POLR3A: variants seen among roughly 807,000 people sequenced by gnomAD.
The protein encoded by POLR3A is RNA polymerase III subunit A, also known as DNA-directed RNA polymerase III subunit RPC1.
In POLR3A, 112 loss-of-function variants were observed where a neutral mutation model predicts 152.8. That is an observed-to-expected ratio of 0.73 (90% CI 0.63 to 0.86). The LOEUF (loss-of-function observed/expected upper bound fraction) is 0.86, where lower values mean the gene tolerates loss of function less well. Among genes scored for constraint, POLR3A ranks in the 40% least tolerant of loss-of-function variants. The pLI is 0.00. For synonymous variants in POLR3A, 615 were observed against 652.1 expected, an observed-to-expected ratio of 0.94 and a Z score of 0.87; for missense variants, 1,385 against 1,743.1, an observed-to-expected ratio of 0.79 and a Z score of 3.66.
At chr10:77,999,351 T>A (rs551398077) in intron 19 of POLR3A, among the ~76,000 whole-genome samples, 1 of 152,208 alleles carries the variant, frequency 6.6e-6, no homozygotes, top group Non-Finnish European at 1.5e-5. Flanking sequence ...AGTACAGGGA[T>A]TGAAAAGACA....
Position 77,975,222 on chromosome 10 carries a change from C to T in POLR3A, c.*2256G>A, listed in dbSNP as rs898061814. The T allele has an allele frequency of 5.9e-5, 9 of 152,192 alleles. No homozygotes were observed. The highest frequency in any genetic ancestry group is 1.7e-4 in the African/African-American group (7 of 41,430). The allele number at this position is 152,192 out of a possible 1,614,324, so 9.4% of individuals were successfully genotyped here. ...ACTCAAATGTAACCCTTTGAGCTCT[C>T]ATGCTTGAGGATGTGCTGCTACCTG... On this transcript the variant is annotated 3_prime_UTR_variant, in exon 31 of 31. Coordinates refer to ENST00000372371, the MANE Select transcript of POLR3A (RefSeq NM_007055.4).
chr10:78,025,260 G>T, intron 3 of POLR3A, 118 bp from the exon 4 acceptor site: 1 of 1,053,592 alleles, frequency 9.5e-7, no homozygotes, highest in Non-Finnish European at 1.4e-6. Context: ...ACACAGATCT[G>T]CAAATGGCTC....
chr10:77,988,804 G>T (rs191927486), intron 21 of POLR3A, among the ~76,000 whole-genome samples: 1 of 152,240 alleles, frequency 6.6e-6, no homozygotes, highest in Admixed American at 6.5e-5. Context: ...TTTGAGAAAG[G>T]TCCCGAAAGC....
intron 18 of POLR3A, among the ~76,000 whole-genome samples, chr10:78,000,711 T>C (rs1847348629): frequency 6.6e-6 from 1 of 152,212 alleles, no homozygotes; most frequent in Non-Finnish European, 1.5e-5. Flanking sequence ...TTTATTTATT[T>C]GTAGAGATGG....
intron 16 of POLR3A, 94 bp downstream of exon 16, chr10:78,004,622 T>C (rs971798795): frequency 3.0e-6 from 3 of 1,010,518 alleles, no homozygotes; most frequent in African/African-American, 1.6e-5. Context: ...ACTCCTTTGC[T>C]ACCTCTATTC....
chr10:78,006,375 G>A (rs1480952657), intron 15 of POLR3A, among the ~76,000 whole-genome samples: 1 of 113,464 alleles, frequency 8.8e-6, no homozygotes, highest in Non-Finnish European at 1.6e-5. Flanking sequence ...CCAGCCTGGC[G>A]ACTGAGCAAG....
rs118135341 is a variant in POLR3A at position 77,982,350 on chromosome 10, C to T, written c.3595-32G>A. The T allele has an allele frequency of 5.9e-4, 944 of 1,610,106 alleles. 3 individuals are homozygous for T. In the East Asian group the frequency reaches 0.014, roughly 24 times the overall value. ...TCAGAGACAGAGAAAGCTGTGAGGA[C>T]GGGGTGAGCCATGCCCTGGGCTGAT... is the stretch of plus-strand genomic sequence containing the variant. On this transcript the variant is annotated intron_variant, in intron 27 of 30. Coordinates refer to ENST00000372371, the MANE Select transcript of POLR3A (RefSeq NM_007055.4).
rs1028989395 is a variant in POLR3A, at chr10:77,999,913, C to A, written c.2616+68G>T. On this transcript the variant is annotated intron_variant, in intron 19 of 30. Coordinates refer to ENST00000372371, the MANE Select transcript of POLR3A (RefSeq NM_007055.4). ...TTACAGCTCATGTGCAAAACGTGTA[C>A]TCAATAGTCAAAACCCACAGAGCTC... 4.7e-6 allele frequency: 7 copies of A among 1,485,186 alleles called. No individual in the cohort carries two copies. The Admixed American group carries it at 1.2e-4, about 25-fold the overall frequency. 92.0% of individuals were successfully genotyped at this position (1,485,186 alleles called of 1,614,324 possible). A position where few individuals can be genotyped will look rare whatever the true frequency, so the allele number is the denominator to read the frequency against.
chr10:78,017,829 C>T (rs1233586591), intron 9 of POLR3A, 113 bp from the exon 10 acceptor site: 13 of 1,206,502 alleles, frequency 1.1e-5, no homozygotes, highest in Middle Eastern at 4.2e-4. Flanking sequence ...ATCTAAGATG[C>T]CTCCATTTTA....
Position 78,009,614 on chromosome 10 carries a change from T to A in POLR3A, c.1832A>T (p.Asn611Ile), listed in dbSNP as rs1564620023. ...FSVILRPSDD[N>I]PVRANLRTKG... is the part of the protein sequence containing the mutation. Reference sequence around the variant, plus strand: ...GGTTCGCAGGTTGGCCCTCACTGGATTGTCATCGCTAGGCCTGAGGATGAC... The same window carrying A: ...GGTTCGCAGGTTGGCCCTCACTGGAATGTCATCGCTAGGCCTGAGGATGAC... Residue 611 changes from asparagine to isoleucine, a missense_variant, in exon 14 of 31, where the codon AAT becomes ATT. Coordinates refer to ENST00000372371, the MANE Select transcript of POLR3A (RefSeq NM_007055.4). The A allele has an allele frequency of 1.6e-5, 26 of 1,614,188 alleles. No individual in the cohort carries two copies. The highest frequency in any genetic ancestry group is 2.2e-5 in the Non-Finnish European group (26 of 1,180,028).
chr10:77,999,809 A>AT (rs973843193), intron 19 of POLR3A, among the ~76,000 whole-genome samples, 172 bp downstream of exon 19: 1 of 151,788 alleles, frequency 6.6e-6, no homozygotes, highest in East Asian at 1.9e-4. Context: ...AACATACTAC[A>AT]TTTTTTTTGG....
chr10:77,980,097 A>G (rs764195606), intron 30 of POLR3A, 44 bp downstream of exon 30: 2 of 1,587,092 alleles, frequency 1.3e-6, no homozygotes, highest in Admixed American at 3.3e-5. Context: ...CTATTTGTAA[A>G]TAGTAAAGGC....
At chr10:78,023,458 TA>T (rs1189366971) in intron 5 of POLR3A, among the ~76,000 whole-genome samples, 62 of 143,992 alleles carry the variant, frequency 4.3e-4, no homozygotes, top group Non-Finnish European at 4.6e-4. Context: ...ACTCTGTCTC[TA>T]AAAAAAAAAA....
At chr10:78,012,772 A>G (rs560775647) in intron 11 of POLR3A, among the ~76,000 whole-genome samples, 21 of 152,118 alleles carry the variant, frequency 1.4e-4, no homozygotes, top group African/African-American at 5.1e-4. Context: ...CCCAGGCTGA[A>G]CTGCAGTGGT....
rs564160136 is a variant in POLR3A at position 78,021,842 on chromosome 10, A to T, written c.1048+18T>A. On this transcript the variant is annotated intron_variant, in intron 7 of 30. Coordinates refer to ENST00000372371, the MANE Select transcript of POLR3A (RefSeq NM_007055.4). ...AAAGAGAGTGGGCTGGCTTCTGCAC[A>T]TCTTGTGGGAAACCTACCCTGTTTT... 1 of 1,613,190 alleles carries T rather than the reference A, an allele frequency of 6.2e-7. No homozygotes were observed. The highest frequency in any genetic ancestry group is 1.3e-5 in the African/African-American group (1 of 75,026).
intron 1 of POLR3A, among the ~76,000 whole-genome samples, chr10:78,029,066 A>G (rs1847664568): frequency 6.6e-6 from 1 of 152,092 alleles, no homozygotes; most frequent in Non-Finnish European, 1.5e-5. Context: ...AAGAACAGGG[A>G]TCATTGTATG....
chr10:77,982,407 C>A, intron 27 of POLR3A, 89 bp from the exon 28 acceptor site: 1 of 1,244,056 alleles, frequency 8.0e-7, no homozygotes, highest in South Asian at 1.2e-5. Flanking sequence ...CAGCAGTGGT[C>A]ATCTGTTAAC....
At chr10:78,029,341 T>C (rs1424416251) in intron 1 of POLR3A, 23 bp downstream of exon 1, 1 of 1,613,832 alleles carries the variant, frequency 6.2e-7, no homozygotes, top group East Asian at 2.2e-5. Context: ...CTCAGCCCTT[T>C]GGCCACTCTT....
chr10:78,021,540 A>G lies in POLR3A; in HGVS notation c.1185+6T>C. Reference sequence around the variant, plus strand: ...CAAAGAATTGAGCAGCTGAGTGGTCACTTACCTTCTCAGGAAAAGTTAGAA... The same window carrying G: ...CAAAGAATTGAGCAGCTGAGTGGTCGCTTACCTTCTCAGGAAAAGTTAGAA... On this transcript the variant is annotated splice_donor_region_variant and intron_variant, in intron 8 of 30. Transcript: ENST00000372371. 4 of 1,613,930 alleles carry G rather than the reference A, an allele frequency of 2.5e-6. No individual in the cohort carries two copies. Among genetic ancestry groups the G allele is most frequent in the Non-Finnish European group, 2.5e-6 (3 of 1,179,804 alleles).
Sources: allele counts gnomAD v4.1 joint callset (sites outside exome capture counted in the v4.1 genomes callset), GRCh38; gene constraint gnomAD v4.1.1; transcripts MANE v1.5; gene names NCBI Gene and HGNC (gene_info 2026-07-23, HGNC 2026-07-21).